Variants in VPS45 observed in about 807,000 individuals in gnomAD.
The protein encoded by VPS45 is vacuolar protein sorting-associated protein 45.
In VPS45, 35 loss-of-function variants were observed where a neutral mutation model predicts 75.9. That is an observed-to-expected ratio of 0.46 (90% confidence interval 0.35 to 0.61). The LOEUF is 0.61. Ranked by LOEUF, VPS45 falls within the 20% of genes least tolerant of loss-of-function variation. VPS45 has a pLI of 0.00. For missense variants in VPS45, 559 were observed against 685.9 expected (o/e 0.81, Z 2.07); for synonymous variants, 220 against 238.2 (o/e 0.92, Z 0.70).
At chr1:150,093,990 T>C (rs977862322) in intron 13 of VPS45, among the ~76,000 whole-genome samples, 3 of 152,206 alleles carry the variant, frequency 2.0e-5, no homozygotes, top group Non-Finnish European at 4.4e-5. Flanking sequence ...TGCTGCTTGA[T>C]TGCCATCCAG....
At chr1:150,143,677 C>T (rs1235244928) in intron 14 of VPS45, among the ~76,000 whole-genome samples, 2 of 151,840 alleles carry the variant, frequency 1.3e-5, no homozygotes, top group Non-Finnish European at 2.9e-5. Context: ...AAGCTCATGA[C>T]GTGTTTAGGA....
At chr1:150,077,280 C>A (rs782462036) in intron 6 of VPS45, 49 bp downstream of exon 6, 15 of 1,577,108 alleles carry the variant, frequency 9.5e-6, no homozygotes, top group African/African-American at 8.2e-5. Flanking sequence ...CCATTCATTT[C>A]TCTATCATAT....
At chr1:150,122,976 G>A (rs953851000) in intron 14 of VPS45, among the ~76,000 whole-genome samples, 40 of 87,564 alleles carry the variant, frequency 4.6e-4, no homozygotes, top group Non-Finnish European at 7.0e-4. Context: ...CAACAAGAGC[G>A]AAACTCCTTC....
Position 150,092,314 on chromosome 1 carries a change from G to C in VPS45, c.1276G>C (p.Val426Leu), listed in dbSNP as rs782590059. ...TCTTTCTTAATAGCTCGTGTCTGCA[G>C]TTGTTGAATATGGTGGTAAACGAGT... ...SEKYRKLVSA[V>L]VEYGGKRVRG... Residue 426 changes from valine (V) to leucine (L), a missense_variant, in exon 12 of 15, where the codon GTT becomes CTT. Transcript: ENST00000644510. The C allele has an allele frequency of 1.9e-6, 3 of 1,614,084 alleles. No individual in the cohort carries two copies. In the South Asian group the frequency reaches 3.3e-5, roughly 18 times the overall value.
At chr1:150,136,972 C>T (rs1659140975) in intron 14 of VPS45, among the ~76,000 whole-genome samples, 1 of 152,172 alleles carries the variant, frequency 6.6e-6, no homozygotes, top group African/African-American at 2.4e-5. Context: ...CATCTCGGCT[C>T]ACTGCAGCCT....
chr1:150,069,459 C>CTTT lies in VPS45; in HGVS notation c.228+708_228+710dup, dbSNP rs10707595. 7.8e-3 allele frequency among the ~76,000 whole-genome samples: 1,005 copies of CTTT among 128,098 alleles called. 85 individuals are homozygous for CTTT. The highest frequency in any genetic ancestry group is 0.034 in the East Asian group (153 of 4,564). The allele number at this position is 128,098 out of a possible 152,430, so 84.0% of individuals were successfully genotyped here. ...TGCTATTTTAATCTTATTTGTTACA[C>CTTT]TTTTTTTTTTTTTTTGAGATGGAGT... On this transcript the variant is annotated intron_variant, in intron 2 of 14. Transcript: ENST00000644510.
At chr1:150,081,224 G>A in intron 7 of VPS45, 118 bp from the exon 8 acceptor site, 2 of 1,010,154 alleles carry the variant, frequency 2.0e-6, no homozygotes, top group Non-Finnish European at 2.8e-6. Flanking sequence ...TTTAACTCGA[G>A]AATCTTCATG....
chr1:150,111,314 A>C (rs1203406781), intron 14 of VPS45, among the ~76,000 whole-genome samples: 3 of 152,196 alleles, frequency 2.0e-5, no homozygotes, highest in Non-Finnish European at 4.4e-5. Flanking sequence ...GGTAGAGTTA[A>C]CCACGTGAAC....
intron 3 of VPS45, among the ~76,000 whole-genome samples, chr1:150,073,346 A>G (rs1655185056): frequency 2.0e-5 from 3 of 152,294 alleles, no homozygotes; most frequent in South Asian, 4.1e-4. Flanking sequence ...TTCAGCGTAT[A>G]CTACTTAAAT....
intron 14 of VPS45, among the ~76,000 whole-genome samples, chr1:150,130,198 C>CTTTTTT (rs34302545): frequency 0.019 from 1,659 of 86,166 alleles, 64 homozygotes; most frequent in Non-Finnish European, 0.023. Context: ...CACACACACA[C>CTTTTTT]TTTTTTTTTT....
chr1:150,126,774 T>C (rs1658542264), intron 14 of VPS45, among the ~76,000 whole-genome samples: 1 of 152,160 alleles, frequency 6.6e-6, no homozygotes, highest in African/African-American at 2.4e-5. Context: ...AAGAACAGCC[T>C]GGGCAACATA....
At chr1:150,077,983 C>T (rs1265435312) in intron 7 of VPS45, among the ~76,000 whole-genome samples, 2 of 152,168 alleles carry the variant, frequency 1.3e-5, no homozygotes, top group Non-Finnish European at 2.9e-5. Flanking sequence ...CTCTCCTGTA[C>T]CTTTCTGCCA....
In VPS45 at chr1:150,070,044, C is replaced by T. The variant is rs189141720; in HGVS notation, c.228+1280C>T. ...TCAATCCGCTATATTCCCCTTGTCC[C>T]GTCATGCCACGGGACGTTTGCATAG... is the stretch of plus-strand genomic sequence containing the variant. On this transcript the variant is annotated intron_variant, in intron 2 of 14. Coordinates refer to ENST00000644510, the MANE Select transcript of VPS45 (RefSeq NM_007259.5). Among the ~76,000 whole-genome samples the T allele has an allele frequency of 1.4e-4, 22 of 152,238 alleles. No individual in the cohort carries two copies. In the East Asian group the frequency reaches 4.2e-3, roughly 29 times the overall value.
At chr1:150,130,588 C>A (rs1283961261) in intron 14 of VPS45, among the ~76,000 whole-genome samples, 7 of 152,116 alleles carry the variant, frequency 4.6e-5, no homozygotes, top group African/African-American at 1.7e-4. Flanking sequence ...GAATTATATT[C>A]TATTAAGTGT....
intron 10 of VPS45, among the ~76,000 whole-genome samples, chr1:150,089,495 A>T (rs915863671): frequency 2.0e-5 from 3 of 151,660 alleles, no homozygotes; most frequent in South Asian, 4.2e-4. Context: ...TGAGTAGCTG[A>T]GACTACAGGC....
At chr1:150,137,863 C>T (rs2101658814) in intron 14 of VPS45, among the ~76,000 whole-genome samples, 1 of 126,272 alleles carries the variant, frequency 7.9e-6, no homozygotes, top group East Asian at 2.5e-4. Flanking sequence ...TGCAGTGAGC[C>T]GAGATTGTGC....
At position 150,092,280 on chromosome 1, in the gene VPS45, A is replaced by G. The variant is rs781824278; in HGVS notation, c.1264-22A>G. On this transcript the variant is annotated intron_variant, in intron 11 of 14. Transcript: ENST00000644510. ...GCTTCCTGATGCCTAAGCAATCAAA[A>G]TTTGCTTCTCTTTCTTAATAGCTCG... The G allele has an allele frequency of 2.5e-6, 4 of 1,608,800 alleles. No homozygotes were observed. The African/African-American group carries it at 4.0e-5, about 16-fold the overall frequency.
intron 14 of VPS45, among the ~76,000 whole-genome samples, chr1:150,125,690 TA>T (rs1411847476): frequency 0.059 from 11 of 188 alleles, no homozygotes; most frequent in African/African-American, 0.15. Context: ...ATTTTTTTTA[TA>T]TTTTTTAATC....
At position 150,076,903 on chromosome 1, in the gene VPS45, G is replaced by T. The variant is rs782510675; in HGVS notation, c.370-13G>T. 1 of 1,613,726 alleles carries T rather than the reference G, an allele frequency of 6.2e-7. No homozygotes were observed. The highest frequency in any genetic ancestry group is 2.2e-5 in the East Asian group (1 of 44,840). On this transcript the variant is annotated splice_polypyrimidine_tract_variant and intron_variant, in intron 4 of 14. Transcript: ENST00000644510. ...AGTTTATGGAATGACTATTCTTGGT[G>T]CTTTATTTGCAGGAATTTTATGGTG...
Sources: gnomAD v4.1 joint callset for allele counts (sites outside exome capture counted in the v4.1 genomes callset) on GRCh38, gnomAD v4.1.1 for gene constraint, MANE v1.5 for transcripts, NCBI Gene and HGNC (gene_info 2026-07-23, HGNC 2026-07-21) for gene names.